The following ZNF23 variants were observed in gnomAD, a reference collection of about 807,000 sequenced individuals.
ZNF23 encodes the protein zinc finger protein 23, also known as kruppel-like zinc finger factor X31.
Under a neutral mutation model 56.2 loss-of-function variants are expected in ZNF23, and 48 were observed. The ratio of observed to expected loss-of-function variants is 0.85; its 90% CI spans 0.68 to 1.09. The LOEUF is 1.09. ZNF23 is among the 50% of genes least tolerant of loss of function. The pLI is 0.00. For missense variants in ZNF23, 805 were observed against 811.4 expected, an observed-to-expected ratio of 0.99 and a Z score of 0.10; for synonymous variants, 266 against 283.3, an observed-to-expected ratio of 0.94 and a Z score of 0.61.
At chr16:71,451,498 T>C (rs757725892) in intron 4 of ZNF23, 4 of 152,130 alleles carry the variant, frequency 2.6e-5, no homozygotes, top group African/African-American at 7.2e-5. Flanking sequence ...TATCAGGAGG[T>C]TGAGCTATGG....
chr16:71,450,037 G>A, intron 4 of ZNF23, 152 bp from the exon 5 acceptor site: 1 of 544,452 alleles, frequency 1.8e-6, no homozygotes, highest in Non-Finnish European at 3.1e-6. Context: ...GGTGGGATAA[G>A]TAATTTGTAA....
intron 4 of ZNF23, chr16:71,451,750 T>G (rs1286621845): frequency 6.6e-6 from 1 of 152,244 alleles, no homozygotes; most frequent in East Asian, 1.9e-4. Context: ...CTAAGACATC[T>G]ATACTATCAG....
intron 4 of ZNF23, chr16:71,452,756 A>G (rs993743027): frequency 6.5e-6 from 1 of 154,242 alleles, no homozygotes; most frequent in African/African-American, 2.4e-5. Context: ...TCCTTTTATT[A>G]TTAACCCATT....
chr16:71,453,226 A>G lies in ZNF23; in HGVS notation c.268+17T>C, dbSNP rs2043112573. Reference sequence around the variant, plus strand: ...GTGCTAAATTCCAACAGAGTGGGAAATATGTACCTCCCTTACCAGTCTGGA... The same window carrying G: ...GTGCTAAATTCCAACAGAGTGGGAAGTATGTACCTCCCTTACCAGTCTGGA... On this transcript the variant is annotated intron_variant, in intron 4 of 4. Coordinates refer to ENST00000647773, the MANE Select transcript of ZNF23 (RefSeq NM_001381984.1). 6.3e-7 allele frequency: 1 copy of G among 1,582,178 alleles called. No individual in the cohort carries two copies. The highest frequency in any genetic ancestry group is 1.3e-5 in the African/African-American group (1 of 74,334).
Position 71,448,729 on chromosome 16 carries a change from G to C in ZNF23, c.1425C>G (p.Asn475Lys). ...TTCTCAGATGCTGCCGAAATTGGGAGTTACATCTGAAGGCTTTCCCGCATT... is the reference window on the plus strand; with the variant it reads ...TTCTCAGATGCTGCCGAAATTGGGACTTACATCTGAAGGCTTTCCCGCATT... ...CNECGKAFRC[N>K]SQFRQHLRIH... Residue 475 changes from asparagine to lysine, a missense_variant, in exon 5 of 5, where the codon AAC becomes AAG. Transcript: ENST00000647773. 2 of 1,614,066 alleles carry C rather than the reference G, an allele frequency of 1.2e-6. No individual in the cohort carries two copies. Among genetic ancestry groups the C allele is most frequent in the Non-Finnish European group, 1.7e-6 (2 of 1,180,008 alleles).
Position 71,449,077 on chromosome 16 carries a change from C to G in ZNF23, c.1077G>C (p.Ala359=), listed in dbSNP as rs74391299. The G allele has an allele frequency of 6.2e-7, 1 of 1,614,078 alleles. No individual in the cohort carries two copies. Among genetic ancestry groups the G allele is most frequent in the Admixed American group, 1.7e-5 (1 of 60,020 alleles). ...GAATTAATTTTGCATTAACATTGAACGCTTTCCCACAGTCATTACACTCGT... is the reference window on the plus strand; with the variant it reads ...GAATTAATTTTGCATTAACATTGAAGGCTTTCCCACAGTCATTACACTCGT... ...KPYECNDCGK[A]FNVNAKLIQH... is the part of the protein sequence containing the mutation. Residue 359 remains alanine, a synonymous_variant, in exon 5 of 5, where the codon GCG becomes GCC. Coordinates refer to ENST00000647773, the MANE Select transcript of ZNF23 (RefSeq NM_001381984.1).
chr16:71,450,509 G>A (rs2043018578), intron 4 of ZNF23: 1 of 285,672 alleles, frequency 3.5e-6, no homozygotes, highest in African/African-American at 2.3e-5. Context: ...GCCTGAGCTT[G>A]GGAGTTTGCA....
rs570362695 is a variant in ZNF23, at chr16:71,462,219, G to C, written c.-42C>G. ...GGAGCCCTGCACTCACCTCCGTAGC[G>C]GACTGCTCCCCGGCGCTGCCGGAAG... On this transcript the variant is annotated 5_prime_UTR_variant, in exon 1 of 5. Coordinates refer to ENST00000647773, the MANE Select transcript of ZNF23 (RefSeq NM_001381984.1). 1 of 152,372 alleles carries C rather than the reference G, an allele frequency of 6.6e-6. No individual in the cohort carries two copies. The highest frequency in any genetic ancestry group is 2.4e-5 in the African/African-American group (1 of 41,470). The allele number at this position is 152,372 out of a possible 1,614,324, so 9.4% of individuals were successfully genotyped here. A position where few individuals can be genotyped will look rare whatever the true frequency, so the allele number is the denominator to read the frequency against.
In ZNF23 at chr16:71,453,244, A is replaced by G; in HGVS notation, c.267T>C (p.Thr89=). 1.2e-6 allele frequency: 2 copies of G among 1,604,452 alleles called. No homozygotes were observed. The highest frequency in any genetic ancestry group is 1.7e-6 in the Non-Finnish European group (2 of 1,174,496). Residue 89 remains threonine (T), a splice_region_variant and synonymous_variant, in exon 4 of 5, where the codon ACT becomes ACC. Transcript: ENST00000647773. ...AAGTGLQGLQ[T]VDIQTDNDLT... ...GTGGGAAATATGTACCTCCCTTACC[A>G]GTCTGGAGGCCCTGGAGGCCTGTTC...
At chr16:71,456,173 C>T (rs994477843) in intron 2 of ZNF23, 3 of 411,422 alleles carry the variant, frequency 7.3e-6, no homozygotes, top group South Asian at 5.4e-5. Context: ...GCAGGTTCCC[C>T]GCACAACACC....
chr16:71,448,280 T>C lies in ZNF23; in HGVS notation c.1874A>G (p.His625Arg). 4 of 1,614,260 alleles carry C rather than the reference T, an allele frequency of 2.5e-6. No homozygotes were observed. Among genetic ancestry groups the C allele is most frequent in the South Asian group, 1.1e-5 (1 of 91,088 alleles). The change falls in exon 5 of 5, where the codon CAC becomes CGC. Residue 625 changes from histidine (H) to arginine (R), a missense_variant. His to Arg is a conservative substitution (Grantham distance 29). Transcript: ENST00000647773. Reference protein sequence around the residue: ...NAHLIRHQRSHTGEKPFRCVE... With the variant: ...NAHLIRHQRSRTGEKPFRCVE... ...ACATCTGAAGGGTTTCTCCCCAGTG[T>C]GGCTTCTCTGATGCCGAATTAAATG...
At position 71,449,510 on chromosome 16, in the gene ZNF23, T is replaced by G; in HGVS notation, c.644A>C (p.Glu215Ala). 25 of 1,614,236 alleles carry G rather than the reference T, an allele frequency of 1.5e-5. No individual in the cohort carries two copies. Among genetic ancestry groups the G allele is most frequent in the Non-Finnish European group, 2.0e-5 (24 of 1,180,040 alleles). The change falls in exon 5 of 5, where the codon GAA becomes GCA. Residue 215 changes from glutamate (E) to alanine (A), a missense_variant. Coordinates refer to ENST00000647773, the MANE Select transcript of ZNF23 (RefSeq NM_001381984.1). ...NSEERPFKCE[E>A]LVEPFRCDSQ... ...GTCACACCTAAAGGGCTCTACTAAT[T>G]CTTCACATTTGAAAGGTCTTTCCTC...
chr16:71,448,160 CCA>C lies in ZNF23; in HGVS notation c.1992_1993del (p.Cys664TrpfsTer7), dbSNP rs1253331711. The C allele has an allele frequency of 6.8e-6, 11 of 1,613,918 alleles. No homozygotes were observed. The highest frequency in any genetic ancestry group is 1.7e-5 in the Admixed American group (1 of 59,994). On this transcript the variant is annotated frameshift_variant, in exon 5 of 5. Coordinates refer to ENST00000647773, the MANE Select transcript of ZNF23 (RefSeq NM_001381984.1). LOFTEE classifies it high-confidence loss of function. ...CTGGAAGCTAAACCTGAATGCTTTC[CCA>C]CACACACTACACATATAGGGTTTCT...
At chr16:71,451,112 T>C (rs542867517) in intron 4 of ZNF23, 1 of 152,732 alleles carries the variant, frequency 6.5e-6, no homozygotes, top group African/African-American at 2.4e-5. Context: ...AACCTTGCCT[T>C]TTCCTTTCAC....
Position 71,449,614 on chromosome 16 carries a change from C to T in ZNF23, c.540G>A (p.Glu180=), listed in dbSNP as rs772267516. The part of the protein sequence containing the change: ...NSYQCHTITG[E]QPSGCTGLGK... Reference sequence around the variant, plus strand: ...CCAATCCTGTACACCCAGAGGGCTGCTCTCCAGTGATGGTATGACACTGAT... The same window carrying T: ...CCAATCCTGTACACCCAGAGGGCTGTTCTCCAGTGATGGTATGACACTGAT... Residue 180 remains glutamate, a synonymous_variant, in exon 5 of 5, where the codon GAG becomes GAA. Transcript: ENST00000647773. The T allele has an allele frequency of 6.2e-7, 1 of 1,614,020 alleles. No homozygotes were observed. Among genetic ancestry groups the T allele is most frequent in the Non-Finnish European group, 8.5e-7 (1 of 1,180,026 alleles).
rs149491101 is a variant in ZNF23 at position 71,458,737 on chromosome 16, A to G, written c.-32-1909T>C. Among the ~76,000 whole-genome samples the G allele has an allele frequency of 8.1e-3, 1,229 of 152,340 alleles. 6 individuals carry two copies. The highest frequency in any genetic ancestry group is 0.012 in the Non-Finnish European group (806 of 68,030). On this transcript the variant is annotated intron_variant, in intron 1 of 4. Transcript: ENST00000647773. ...GGACACAACGAGAGGGCTACTATCTATAAGCCAGGAAGGCAACCCTGGCAG... is the reference window on the plus strand; with the variant it reads ...GGACACAACGAGAGGGCTACTATCTGTAAGCCAGGAAGGCAACCCTGGCAG...
Position 71,449,897 on chromosome 16 carries a change from A to G in ZNF23, c.269-12T>C. ...AGTCTGAATATCTACTATAAAAAAC[A>G]GAAAACATAAAATGTCATGTAAGAA... On this transcript the variant is annotated splice_polypyrimidine_tract_variant and intron_variant, in intron 4 of 4. Transcript: ENST00000647773. 1 of 1,562,766 alleles carries G rather than the reference A, an allele frequency of 6.4e-7. No homozygotes were observed. Among genetic ancestry groups the G allele is most frequent in the Non-Finnish European group, 8.6e-7 (1 of 1,159,078 alleles).
At chr16:71,460,110 C>T (rs2043387462) in intron 1 of ZNF23, among the ~76,000 whole-genome samples, 1 of 152,120 alleles carries the variant, frequency 6.6e-6, no homozygotes, top group African/African-American at 2.4e-5. Flanking sequence ...TGAGAACCTA[C>T]CAAGAAAAGT....
chr16:71,448,631 C>A lies in ZNF23; in HGVS notation c.1523G>T (p.Arg508Leu), dbSNP rs146081862. 1 of 1,613,746 alleles carries A rather than the reference C, an allele frequency of 6.2e-7. No homozygotes were observed. Among genetic ancestry groups the A allele is most frequent in the East Asian group, 2.2e-5 (1 of 44,804 alleles). The change falls in exon 5 of 5, where the codon CGG becomes CTG. Residue 508 changes from arginine (R) to leucine (L), a missense_variant. Arg to Leu is a moderately radical substitution (Grantham distance 102, BLOSUM62 -2). Transcript: ENST00000647773. ...KAFSVNGKLM[R>L]HQRIHTGEKP... ...CTCCCCAGTGTGAATTCTCTGATGCCGCATTAGTTTCCCATTAACGCTGAA... is the reference window on the plus strand; with the variant it reads ...CTCCCCAGTGTGAATTCTCTGATGCAGCATTAGTTTCCCATTAACGCTGAA...
Sources: gnomAD v4.1 joint callset for allele counts (sites outside exome capture counted in the v4.1 genomes callset) on GRCh38, gnomAD v4.1.1 for gene constraint, MANE v1.5 for transcripts, NCBI Gene and HGNC (gene_info 2026-07-23, HGNC 2026-07-21) for gene names.